The following ADGRL3 variants were observed in gnomAD, a reference collection of about 807,000 sequenced individuals.
The protein encoded by ADGRL3 is adhesion G protein-coupled receptor L3, also known as calcium-independent alpha-latrotoxin receptor 3.
ADGRL3 carries 62 observed loss-of-function variants against 153.5 expected under a neutral mutation model. That is an observed-to-expected ratio of 0.40 (90% CI 0.33 to 0.50). The LOEUF is 0.50. ADGRL3 is among the 20% of genes least tolerant of loss of function. The pLI, the probability that ADGRL3 is intolerant of heterozygous loss-of-function variation, is 0.47. For synonymous variants in ADGRL3, 710 were observed against 672.5 expected (o/e 1.06, Z -0.86); for missense variants, 1,641 against 1,859.4 (o/e 0.88, Z 2.16).
At chr4:61,658,833 G>A (rs900376925) in intron 5 of ADGRL3, among the ~76,000 whole-genome samples, 1 of 152,076 alleles carries the variant, frequency 6.6e-6, no homozygotes, top group Non-Finnish European at 1.5e-5. Context: ...AACCTGCCCT[G>A]AAAGCCCTTA....
Position 61,934,907 on chromosome 4 carries a change from C to A in ADGRL3, c.2180C>A (p.Thr727Lys). ...TTGAATGCATGGAGAGACCTGACTA[C>A]GAGTGATCAGCTGCGTGCGGCCACC... ...QALNAWRDLTTSDQLRAATML... is the reference protein window; with the variant it reads ...QALNAWRDLTKSDQLRAATML... Residue 727 changes from threonine to lysine, a missense_variant, in exon 14 of 27, where the codon ACG becomes AAG. Physicochemically the swap from Thr to Lys is moderately conservative, Grantham distance 78 (BLOSUM62 -1). Around this residue, in one of 5 missense-constraint regions of ADGRL3, gnomAD observed 734 missense variants for 797.0 expected, o/e 0.92. Transcript: ENST00000683033. The A allele has an allele frequency of 6.2e-7, 1 of 1,613,796 alleles. No individual in the cohort carries two copies.
chr4:61,603,881 G>A (rs2099022017), intron 5 of ADGRL3, among the ~76,000 whole-genome samples: 1 of 152,098 alleles, frequency 6.6e-6, no homozygotes, highest in African/African-American at 2.4e-5. Context: ...AATCAAAGGA[G>A]ACAAACACTG....
At chr4:61,631,781 T>C (rs1340278071) in intron 5 of ADGRL3, among the ~76,000 whole-genome samples, 1 of 152,026 alleles carries the variant, frequency 6.6e-6, no homozygotes, top group African/African-American at 2.4e-5. Context: ...TTTCTTTTCT[T>C]TTTTTTCTTT....
At chr4:62,017,127 A>G (rs1026499324) in intron 21 of ADGRL3, among the ~76,000 whole-genome samples, 6 of 152,084 alleles carry the variant, frequency 3.9e-5, no homozygotes, top group Admixed American at 1.3e-4. Context: ...ATGATATCAT[A>G]CTTAAATAAT....
At chr4:61,349,017 G>T (rs1315593586) in intron 1 of ADGRL3, among the ~76,000 whole-genome samples, 3 of 151,950 alleles carry the variant, frequency 2.0e-5, no homozygotes, top group African/African-American at 7.2e-5. Context: ...TCAAGGGGAT[G>T]TGGGAGGGGT....
At chr4:61,920,345 T>A (rs2098763030) in intron 13 of ADGRL3, among the ~76,000 whole-genome samples, 1 of 152,200 alleles carries the variant, frequency 6.6e-6, no homozygotes, top group South Asian at 2.1e-4. Context: ...TTTCTGAAAC[T>A]ATCATTAACT....
chr4:61,485,219 G>A (rs375355565), intron 2 of ADGRL3, among the ~76,000 whole-genome samples: 1 of 152,058 alleles, frequency 6.6e-6, no homozygotes, highest in Non-Finnish European at 1.5e-5. Flanking sequence ...TCTCTTGCCC[G>A]GTTGCTACTG....
chr4:61,243,601 T>C (rs911749395), intron 1 of ADGRL3, among the ~76,000 whole-genome samples: 2 of 152,030 alleles, frequency 1.3e-5, no homozygotes, highest in Admixed American at 1.3e-4. Flanking sequence ...AAAAGATATA[T>C]TCTTGTAATA....
chr4:61,745,766 T>A (rs1022607331), intron 8 of ADGRL3, among the ~76,000 whole-genome samples: 4 of 152,158 alleles, frequency 2.6e-5, no homozygotes, highest in Admixed American at 2.6e-4. Flanking sequence ...TGCCAAATTG[T>A]AAAGACCATC....
intron 1 of ADGRL3, among the ~76,000 whole-genome samples, chr4:61,352,374 T>C (rs1277659678): frequency 6.6e-6 from 1 of 152,092 alleles, no homozygotes; most frequent in East Asian, 1.9e-4. Flanking sequence ...GTACACTGAA[T>C]AGACTACAGT....
intron 3 of ADGRL3, among the ~76,000 whole-genome samples, chr4:61,504,707 C>T (rs922522193): frequency 6.6e-6 from 1 of 152,080 alleles, no homozygotes; most frequent in Non-Finnish European, 1.5e-5. Flanking sequence ...TCTCTGTCTC[C>T]ATTAGTTTAA....
intron 25 of ADGRL3, among the ~76,000 whole-genome samples, chr4:62,058,706 A>C (rs1350231578): frequency 6.6e-6 from 1 of 152,114 alleles, no homozygotes; most frequent in Non-Finnish European, 1.5e-5. Context: ...CAGCTGAAAA[A>C]CAGTGACAGA....
intron 17 of ADGRL3, among the ~76,000 whole-genome samples, chr4:61,951,109 A>G (rs2098945585): frequency 6.6e-6 from 1 of 152,158 alleles, no homozygotes; most frequent in Non-Finnish European, 1.5e-5. Flanking sequence ...GAATCAGGAC[A>G]ATGTGGAAAT....
chr4:61,265,159 C>T (rs930291897), intron 1 of ADGRL3, among the ~76,000 whole-genome samples: 6 of 151,834 alleles, frequency 4.0e-5, no homozygotes, highest in Admixed American at 1.3e-4. Flanking sequence ...GGCTGATTTT[C>T]GTTAATTGTA....
At chr4:61,284,750 T>G (rs890210762) in intron 1 of ADGRL3, among the ~76,000 whole-genome samples, 2 of 151,726 alleles carry the variant, frequency 1.3e-5, no homozygotes, top group Admixed American at 1.3e-4. Flanking sequence ...TGTGCTTTCT[T>G]AAAATAAACA....
chr4:61,548,918 T>C (rs2098727271), intron 4 of ADGRL3, among the ~76,000 whole-genome samples: 1 of 152,090 alleles, frequency 6.6e-6, no homozygotes, highest in Non-Finnish European at 1.5e-5. Context: ...ATCTGTACAT[T>C]GATTTGGGCA....
At chr4:61,377,057 G>A (rs902430412) in intron 1 of ADGRL3, among the ~76,000 whole-genome samples, 1 of 152,092 alleles carries the variant, frequency 6.6e-6, no homozygotes, top group African/African-American at 2.4e-5. Context: ...ATTCCTAGCT[G>A]TTACCACAAT....
intron 2 of ADGRL3, among the ~76,000 whole-genome samples, chr4:61,444,066 G>C (rs1189474634): frequency 6.6e-6 from 1 of 152,076 alleles, no homozygotes; most frequent in African/African-American, 2.4e-5. Context: ...TGTCTTTGCT[G>C]GAGATAAAAA....
intron 2 of ADGRL3, among the ~76,000 whole-genome samples, chr4:61,432,896 G>T (rs1014341418): frequency 1.3e-5 from 2 of 151,172 alleles, no homozygotes; most frequent in African/African-American, 2.4e-5. Flanking sequence ...CAGTTGATCC[G>T]CCTGCCTCAA....
Sources: gnomAD v4.1 joint callset for allele counts (sites outside exome capture counted in the v4.1 genomes callset) on GRCh38, gnomAD v4.1.1 for gene constraint, gnomAD v4.1.1 regional missense constraint, MANE v1.5 for transcripts, NCBI Gene and HGNC (gene_info 2026-07-23, HGNC 2026-07-21) for gene names.